The following PPARGC1A variants were observed in gnomAD, a reference collection of about 807,000 sequenced individuals.
PPARGC1A encodes the protein peroxisome proliferator-activated receptor gamma coactivator 1-alpha.
In PPARGC1A, 25 loss-of-function variants were observed where a neutral mutation model predicts 88.7. That is an observed-to-expected ratio of 0.28 (90% CI 0.21 to 0.39). PPARGC1A has a LOEUF of 0.39. Ranked by LOEUF, PPARGC1A falls within the 10% of genes least tolerant of loss-of-function variation. The pLI, the probability that PPARGC1A is intolerant of heterozygous loss-of-function variation, is 1.00. For missense variants in PPARGC1A, 880 were observed against 968.7 expected, an observed-to-expected ratio of 0.91 and a Z score of 1.22; for synonymous variants, 363 against 355.6, an observed-to-expected ratio of 1.02 and a Z score of -0.24.
chr4:24,065,946 G>A, the PPARGC1A span, among the ~76,000 whole-genome samples: 2 of 152,144 alleles, frequency 1.3e-5, no homozygotes, highest in South Asian at 2.1e-4. Context: ...CAGAAGCTCC[G>A]GCAGGCAACT....
chr4:23,846,413 T>G (rs531005060), intron 2 of PPARGC1A, among the ~76,000 whole-genome samples: 1 of 152,324 alleles, frequency 6.6e-6, no homozygotes, highest in Admixed American at 6.5e-5. Context: ...TATACCATGT[T>G]GCTTATCAGG....
At chr4:23,817,038 C>T (rs893334623) in intron 7 of PPARGC1A, among the ~76,000 whole-genome samples, 1 of 152,104 alleles carries the variant, frequency 6.6e-6, no homozygotes, top group African/African-American at 2.4e-5. Context: ...ATCTGAGAAC[C>T]CCAGCCCTAG....
At chr4:23,866,569 G>C (rs1158614092) in intron 2 of PPARGC1A, among the ~76,000 whole-genome samples, 1 of 152,164 alleles carries the variant, frequency 6.6e-6, no homozygotes, top group Non-Finnish European at 1.5e-5. Flanking sequence ...CTCCCTGATG[G>C]ACCAGGAAAA....
chr4:24,049,195 T>C, the PPARGC1A span, among the ~76,000 whole-genome samples: 1 of 142,376 alleles, frequency 7.0e-6, no homozygotes, highest in African/African-American at 2.6e-5. Flanking sequence ...TCTCTCTCTA[T>C]ATATACACAC....
chr4:24,035,179 G>T, the PPARGC1A span, among the ~76,000 whole-genome samples: 1 of 152,220 alleles, frequency 6.6e-6, no homozygotes, highest in Admixed American at 6.5e-5. Flanking sequence ...AATAGTATGT[G>T]TTTATAGCCC....
chr4:24,267,196 G>A, the PPARGC1A span, among the ~76,000 whole-genome samples: 35 of 152,270 alleles, frequency 2.3e-4, no homozygotes, highest in Middle Eastern at 3.4e-3. Flanking sequence ...ACAGAGTAGC[G>A]ACAGTGGAAT....
chr4:24,370,692 A>C, the PPARGC1A span, among the ~76,000 whole-genome samples: 1 of 144,530 alleles, frequency 6.9e-6, no homozygotes, highest in Non-Finnish European at 1.5e-5. Flanking sequence ...AAACAAGACC[A>C]CAAGACATCC....
chr4:24,253,063 G>T, the PPARGC1A span, among the ~76,000 whole-genome samples: 9 of 152,118 alleles, frequency 5.9e-5, no homozygotes, highest in Admixed American at 2.0e-4. Context: ...TAATGGTCAA[G>T]GGAATTTATC....
At chr4:24,387,852 G>GAGAA in the PPARGC1A span, among the ~76,000 whole-genome samples, 53 of 135,670 alleles carry the variant, frequency 3.9e-4, 1 homozygote, top group Non-Finnish European at 7.0e-4. Context: ...GAGAGAGAAA[G>GAGAA]AGAGAAAGAG....
At chr4:24,462,651 T>C in the PPARGC1A span, among the ~76,000 whole-genome samples, 2 of 151,728 alleles carry the variant, frequency 1.3e-5, no homozygotes, top group Middle Eastern at 3.4e-3. Context: ...AGTGAATCCA[T>C]GTAAAGCACT....
At chr4:24,051,555 C>A in the PPARGC1A span, among the ~76,000 whole-genome samples, 1 of 152,138 alleles carries the variant, frequency 6.6e-6, no homozygotes, top group South Asian at 2.1e-4. Flanking sequence ...AAGATTAAGG[C>A]ACTAGCCTCA....
intron 2 of PPARGC1A, among the ~76,000 whole-genome samples, chr4:23,866,592 T>C (rs1419054199): frequency 1.3e-5 from 2 of 152,212 alleles, no homozygotes; most frequent in Non-Finnish European, 2.9e-5. Context: ...AGACAGCTTA[T>C]TGGCTTAGTT....
the PPARGC1A span, among the ~76,000 whole-genome samples, chr4:23,967,477 T>G: frequency 6.6e-6 from 1 of 152,096 alleles, no homozygotes; most frequent in Non-Finnish European, 1.5e-5. Flanking sequence ...GCAGCTCCAG[T>G]GCTGATGGGA....
chr4:24,315,926 G>A, the PPARGC1A span, among the ~76,000 whole-genome samples: 5 of 152,146 alleles, frequency 3.3e-5, no homozygotes, highest in African/African-American at 7.2e-5. Flanking sequence ...TTCTAGATCC[G>A]TTCTTCATAA....
In PPARGC1A at chr4:23,813,864, C is replaced by G. The variant is rs1560351543; in HGVS notation, c.1619G>C (p.Cys540Ser). 3.7e-6 allele frequency: 6 copies of G among 1,614,020 alleles called. No individual in the cohort carries two copies. Among genetic ancestry groups the G allele is most frequent in the Non-Finnish European group, 4.2e-6 (5 of 1,179,940 alleles). Reference sequence around the variant, plus strand: ...TCTACATGGAGAGTTAAAAGAAGAACAAGAAGGAGACACATTGAACAATGA... The same window carrying G: ...TCTACATGGAGAGTTAAAAGAAGAAGAAGAAGGAGACACATTGAACAATGA... ...SYSLFNVSPS[C>S]SSFNSPCRDS... The change falls in exon 8 of 13, where the codon TGT becomes TCT. Residue 540 changes from cysteine to serine, a missense_variant. Coordinates refer to ENST00000264867, the MANE Select transcript of PPARGC1A (RefSeq NM_013261.5).
At chr4:24,361,363 C>T in the PPARGC1A span, among the ~76,000 whole-genome samples, 2 of 152,182 alleles carry the variant, frequency 1.3e-5, no homozygotes, top group South Asian at 2.1e-4. Context: ...AGTCAAACTG[C>T]AAAGTTCCTA....
chr4:24,383,310 C>A, the PPARGC1A span, among the ~76,000 whole-genome samples: 1 of 152,110 alleles, frequency 6.6e-6, no homozygotes, highest in East Asian at 1.9e-4. Context: ...AACCAAAATG[C>A]CTCTTCTCCT....
At chr4:24,062,219 C>A in the PPARGC1A span, among the ~76,000 whole-genome samples, 3 of 152,174 alleles carry the variant, frequency 2.0e-5, no homozygotes, top group African/African-American at 7.2e-5. Context: ...ACTCAGGATG[C>A]CCTGCATGTG....
At chr4:23,806,247 A>G (rs1719786525) in intron 10 of PPARGC1A, among the ~76,000 whole-genome samples, 1 of 152,246 alleles carries the variant, frequency 6.6e-6, no homozygotes, top group Non-Finnish European at 1.5e-5. Context: ...CCTACTGCTA[A>G]AAATGAAAAT....
Sources: gnomAD v4.1 joint callset for allele counts (sites outside exome capture counted in the v4.1 genomes callset) on GRCh38, gnomAD v4.1.1 for gene constraint, MANE v1.5 for transcripts, NCBI Gene and HGNC (gene_info 2026-07-23, HGNC 2026-07-21) for gene names.